The following PIANP variants were observed in gnomAD, a reference collection of about 807,000 sequenced individuals.
The protein encoded by PIANP is PILR alpha associated neural protein.
In PIANP, 14 loss-of-function variants were observed where a neutral mutation model predicts 28.9. The observed-to-expected ratio is 0.49, with a 90% CI of 0.32 to 0.76. The LOEUF (loss-of-function observed/expected upper bound fraction) is 0.76. PIANP is among the 30% of genes least tolerant of loss of function. The pLI is 0.03. For synonymous variants in PIANP, 149 were observed against 156.6 expected, an observed-to-expected ratio of 0.95 and a Z score of 0.36; for missense variants, 322 against 371.8, an observed-to-expected ratio of 0.87 and a Z score of 1.10.
In PIANP at chr12:6,695,416, G is replaced by A; in HGVS notation, c.*10C>T. ...TCCCTCTTTGCCCTCCCATCCCATT[G>A]CCCCTGCCCTCACCGGTTCAACTGG... On this transcript the variant is annotated 3_prime_UTR_variant, in exon 5 of 5. Transcript: ENST00000534837. The surrounding 1 kb of genome is among the most constrained non-coding windows in gnomAD (Gnocchi z 4.2). 1 of 1,471,398 alleles carries A rather than the reference G, an allele frequency of 6.8e-7. No homozygotes were observed. The highest frequency in any genetic ancestry group is 9.0e-7 in the Non-Finnish European group (1 of 1,110,682). The allele number at this position is 1,471,398 out of a possible 1,614,324, so 91.1% of individuals were successfully genotyped here. A position where few individuals can be genotyped will look rare whatever the true frequency, so the allele number is the denominator to read the frequency against.
Position 6,696,581 on chromosome 12 carries a change from G to T in PIANP, c.524-57C>A. On this transcript the variant is annotated intron_variant, in intron 3 of 4. Transcript: ENST00000534837. This position sits in a 1 kb window ranked among gnomAD's most constrained non-coding sequence, Gnocchi z 4.0. Reference sequence around the variant, plus strand: ...CCCCGAGGTGGTAGGAGCCAAGAGGGGCTGGGGGCTGGGCTGTGGGCTCTG... The same window carrying T: ...CCCCGAGGTGGTAGGAGCCAAGAGGTGCTGGGGGCTGGGCTGTGGGCTCTG... The T allele has an allele frequency of 1.6e-6, 2 of 1,286,604 alleles. No homozygotes were observed. The highest frequency in any genetic ancestry group is 2.1e-6 in the Non-Finnish European group (2 of 937,694). 79.7% of individuals were successfully genotyped at this position (1,286,604 alleles called of 1,614,324 possible).
chr12:6,696,351 A>AGG lies in PIANP; in HGVS notation c.605+91_605+92insCC. 1.2e-6 allele frequency: 1 copy of AGG among 844,684 alleles called. No individual in the cohort carries two copies. The highest frequency in any genetic ancestry group is 1.7e-6 in the Non-Finnish European group (1 of 573,714). 52.3% of individuals were successfully genotyped at this position (844,684 alleles called of 1,614,324 possible). On this transcript the variant is annotated intron_variant, in intron 4 of 4. Coordinates refer to ENST00000534837, the MANE Select transcript of PIANP (RefSeq NM_001244014.2). The surrounding 1 kb of genome is among the most constrained non-coding windows in gnomAD (Gnocchi z 4.0). ...ATCCAGCATTTCCCACCCACCCCCC[A>AGG]GCAAAATTGCTGCCACTGCCCCTCG...
At position 6,695,420 on chromosome 12, in the gene PIANP, C is replaced by CT. The variant is rs1489671294; in HGVS notation, c.*5dup. 1.0e-5 allele frequency: 15 copies of CT among 1,487,320 alleles called. No individual in the cohort carries two copies. The highest frequency in any genetic ancestry group is 1.3e-5 in the Non-Finnish European group (14 of 1,119,192). 92.1% of individuals were successfully genotyped at this position (1,487,320 alleles called of 1,614,324 possible). A position where few individuals can be genotyped will look rare whatever the true frequency, so the allele number is the denominator to read the frequency against. On this transcript the variant is annotated 3_prime_UTR_variant, in exon 5 of 5. Transcript: ENST00000534837. The surrounding 1 kb of genome is among the most constrained non-coding windows in gnomAD (Gnocchi z 4.2). ...TCTTTGCCCTCCCATCCCATTGCCC[C>CT]TGCCCTCACCGGTTCAACTGGAAGG...
rs184456612 is a variant in PIANP at position 6,696,793 on chromosome 12, C to G, written c.524-269G>C. 6.6e-6 allele frequency among the ~76,000 whole-genome samples: 1 copy of G among 152,300 alleles called. No homozygotes were observed. Among genetic ancestry groups the G allele is most frequent in the African/African-American group, 2.4e-5 (1 of 41,554 alleles). On this transcript the variant is annotated intron_variant, in intron 3 of 4. Coordinates refer to ENST00000534837, the MANE Select transcript of PIANP (RefSeq NM_001244014.2). The surrounding 1 kb of genome is among the most constrained non-coding windows in gnomAD (Gnocchi z 4.0). The stretch of plus-strand genomic sequence containing the variant: ...ATGAGGCCCCATGATCAGCGAGAAC[C>G]TATCACTATGCCTGGAAACTAAGGG...
rs200341570 is a variant in PIANP at position 6,698,023 on chromosome 12, C to A, written c.17+22G>T. 1.9e-6 allele frequency: 3 copies of A among 1,556,724 alleles called. No homozygotes were observed. The Admixed American group carries it at 5.8e-5, about 30-fold the overall frequency. ...CCCCAGGGAATGTGGTCTCCAGGCTCCCTCTGCTGGGCCAAACTTACCACA... is the reference window on the plus strand; with the variant it reads ...CCCCAGGGAATGTGGTCTCCAGGCTACCTCTGCTGGGCCAAACTTACCACA... On this transcript the variant is annotated intron_variant, in intron 2 of 4. Coordinates refer to ENST00000534837, the MANE Select transcript of PIANP (RefSeq NM_001244014.2).
chr12:6,697,832 C>A lies in PIANP; in HGVS notation c.18-40G>T. On this transcript the variant is annotated intron_variant, in intron 2 of 4. Transcript: ENST00000534837. The surrounding 1 kb of genome is among the most constrained non-coding windows in gnomAD (Gnocchi z 6.9). ...AGAGCGTGGCTGAGACACAGGCCTA[C>A]TGTGGGCCTATGTGAGGGAGGGACA... 1 of 1,505,290 alleles carries A rather than the reference C, an allele frequency of 6.6e-7. No individual in the cohort carries two copies. 93.2% of individuals were successfully genotyped at this position (1,505,290 alleles called of 1,614,324 possible). A position where few individuals can be genotyped will look rare whatever the true frequency, so the allele number is the denominator to read the frequency against.
chr12:6,694,965 C>A lies in PIANP; in HGVS notation c.*461G>T. 1 of 1,493,974 alleles carries A rather than the reference C, an allele frequency of 6.7e-7. No individual in the cohort carries two copies. Among genetic ancestry groups the A allele is most frequent in the South Asian group, 1.3e-5 (1 of 76,342 alleles). 92.5% of individuals were successfully genotyped at this position (1,493,974 alleles called of 1,614,324 possible). On this transcript the variant is annotated 3_prime_UTR_variant, in exon 5 of 5. Coordinates refer to ENST00000534837, the MANE Select transcript of PIANP (RefSeq NM_001244014.2). This position sits in a 1 kb window ranked among gnomAD's most constrained non-coding sequence, Gnocchi z 6.1. ...TGGCCCCAGCTCCCCACAGCTGCCC[C>A]ACCCTCAGTGGGATGGGGGCTGTGC...
chr12:6,699,172 A>T (rs1959972457), intron 1 of PIANP, among the ~76,000 whole-genome samples: 1 of 152,202 alleles, frequency 6.6e-6, no homozygotes, highest in Non-Finnish European at 1.5e-5. Flanking sequence ...TGAACCTGGG[A>T]GGCGGAGGTT....
Position 6,696,598 on chromosome 12 carries a change from T to A in PIANP, c.524-74A>T. 1 of 1,111,158 alleles carries A rather than the reference T, an allele frequency of 9.0e-7. No individual in the cohort carries two copies. The highest frequency in any genetic ancestry group is 1.2e-6 in the Non-Finnish European group (1 of 804,314). The allele number at this position is 1,111,158 out of a possible 1,614,324, so 68.8% of individuals were successfully genotyped here. A position where few individuals can be genotyped will look rare whatever the true frequency, so the allele number is the denominator to read the frequency against. Reference sequence around the variant, plus strand: ...CCAAGAGGGGCTGGGGGCTGGGCTGTGGGCTCTGTCGGCTGGAGTGGCATT... The same window carrying A: ...CCAAGAGGGGCTGGGGGCTGGGCTGAGGGCTCTGTCGGCTGGAGTGGCATT... On this transcript the variant is annotated intron_variant, in intron 3 of 4. Transcript: ENST00000534837. This position sits in a 1 kb window ranked among gnomAD's most constrained non-coding sequence, Gnocchi z 4.0.
chr12:6,693,633 C>G (rs907991871), downstream of PIANP, among the ~76,000 whole-genome samples: 25 of 152,118 alleles, frequency 1.6e-4, no homozygotes, highest in African/African-American at 6.0e-4. Context: ...TCCATTTTGT[C>G]CCAAGTTAAA....
At position 6,694,080 on chromosome 12, in the gene PIANP, A is replaced by T. The variant is rs544090731; in HGVS notation, c.*1346T>A. The T allele has an allele frequency of 6.5e-6, 1 of 153,766 alleles. No individual in the cohort carries two copies. The highest frequency in any genetic ancestry group is 6.5e-5 in the Admixed American group (1 of 15,268). The allele number at this position is 153,766 out of a possible 1,614,324, so 9.5% of individuals were successfully genotyped here. On this transcript the variant is annotated 3_prime_UTR_variant, in exon 5 of 5. Coordinates refer to ENST00000534837, the MANE Select transcript of PIANP (RefSeq NM_001244014.2). The surrounding 1 kb of genome is among the most constrained non-coding windows in gnomAD (Gnocchi z 6.1). The stretch of plus-strand genomic sequence containing the variant: ...GGTAGACTTGGAGGCAGAGCTCCCG[A>T]TGGCCTTGAACCAGCTGACTCCGGT...
rs1960033895 is a variant in PIANP at position 6,700,786 on chromosome 12, T to TGCTCGCCTCGGCTCGGCTCGGCTCG, written c.-241_-217dup. On this transcript the variant is annotated 5_prime_UTR_variant, in exon 1 of 5. Transcript: ENST00000534837. This position sits in a 1 kb window ranked among gnomAD's most constrained non-coding sequence, Gnocchi z 5.5. Reference sequence around the variant, plus strand: ...GGCGCGGGGCGGCGGCGGTGGGAGATGCTCGCCTCGGCTCGGCTCGGCTCG... The same window carrying TGCTCGCCTCGGCTCGGCTCGGCTCG: ...GGCGCGGGGCGGCGGCGGTGGGAGATGCTCGCCTCGGCTCGGCTCGGCTCGGCTCGCCTCGGCTCGGCTCGGCTCG... 2 of 150,822 alleles carry TGCTCGCCTCGGCTCGGCTCGGCTCG rather than the reference T, an allele frequency of 1.3e-5. No homozygotes were observed. Among genetic ancestry groups the TGCTCGCCTCGGCTCGGCTCGGCTCG allele is most frequent in the Non-Finnish European group, 3.0e-5 (2 of 67,642 alleles). 9.3% of individuals were successfully genotyped at this position (150,822 alleles called of 1,614,324 possible).
At position 6,696,612 on chromosome 12, in the gene PIANP, T is replaced by C; in HGVS notation, c.524-88A>G. The C allele has an allele frequency of 1.1e-6, 1 of 897,548 alleles. No individual in the cohort carries two copies. Among genetic ancestry groups the C allele is most frequent in the Non-Finnish European group, 1.6e-6 (1 of 619,438 alleles). The allele number at this position is 897,548 out of a possible 1,614,324, so 55.6% of individuals were successfully genotyped here. A position where few individuals can be genotyped will look rare whatever the true frequency, so the allele number is the denominator to read the frequency against. ...GGGCTGGGCTGTGGGCTCTGTCGGC[T>C]GGAGTGGCATTGCTGTGTGGATCCA... is the stretch of plus-strand genomic sequence containing the variant. On this transcript the variant is annotated intron_variant, in intron 3 of 4. Transcript: ENST00000534837. The surrounding 1 kb of genome is among the most constrained non-coding windows in gnomAD (Gnocchi z 4.0).
Position 6,697,235 on chromosome 12 carries a change from T to C in PIANP, c.523+52A>G, listed in dbSNP as rs1393876712. On this transcript the variant is annotated intron_variant, in intron 3 of 4. Coordinates refer to ENST00000534837, the MANE Select transcript of PIANP (RefSeq NM_001244014.2). This position sits in a 1 kb window ranked among gnomAD's most constrained non-coding sequence, Gnocchi z 6.9. ...AGGCCTCTATTTCTGCCCCTTGGTGTCTTCACCCAGCCTCCCCATCCGTCA... is the reference window on the plus strand; with the variant it reads ...AGGCCTCTATTTCTGCCCCTTGGTGCCTTCACCCAGCCTCCCCATCCGTCA... The C allele has an allele frequency of 6.3e-7, 1 of 1,598,112 alleles. No individual in the cohort carries two copies. The highest frequency in any genetic ancestry group is 8.5e-7 in the Non-Finnish European group (1 of 1,174,990).
At position 6,695,006 on chromosome 12, in the gene PIANP, C is replaced by T. The variant is rs1184833704; in HGVS notation, c.*420G>A. ...GGGGCTGTGCCGGCCCCTTGGCCTC[C>T]TGCTTGGCTGCACCCCAACATTGGG... On this transcript the variant is annotated 3_prime_UTR_variant, in exon 5 of 5. Transcript: ENST00000534837. This position sits in a 1 kb window ranked among gnomAD's most constrained non-coding sequence, Gnocchi z 4.2. 6 of 1,550,200 alleles carry T rather than the reference C, an allele frequency of 3.9e-6. No individual in the cohort carries two copies. The highest frequency in any genetic ancestry group is 3.5e-6 in the Non-Finnish European group (4 of 1,146,384).
At chr12:6,699,679 G>A (rs1163403887) in intron 1 of PIANP, among the ~76,000 whole-genome samples, 1 of 151,828 alleles carries the variant, frequency 6.6e-6, no homozygotes, top group Admixed American at 6.6e-5. Context: ...TGGGAGAAAA[G>A]GGGGGAAAGC....
In PIANP at chr12:6,694,831, TC is replaced by T; in HGVS notation, c.*594del. Reference sequence around the variant, plus strand: ...CAAGGGTGGGGACAGGGACCCGAAGTCACAGATATGTGAGGCCCCCACCTGC... The same window carrying T: ...CAAGGGTGGGGACAGGGACCCGAAGTACAGATATGTGAGGCCCCCACCTGC... On this transcript the variant is annotated 3_prime_UTR_variant, in exon 5 of 5. Transcript: ENST00000534837. This position sits in a 1 kb window ranked among gnomAD's most constrained non-coding sequence, Gnocchi z 6.1. 1 of 575,722 alleles carries T rather than the reference TC, an allele frequency of 1.7e-6. No homozygotes were observed. The highest frequency in any genetic ancestry group is 3.1e-5 in the South Asian group (1 of 32,408). The allele number at this position is 575,722 out of a possible 1,614,324, so 35.7% of individuals were successfully genotyped here.
Position 6,697,151 on chromosome 12 carries a change from A to G in PIANP, c.523+136T>C, listed in dbSNP as rs1959889528. ...ACCTGAACTCCGAGAGGGTGTCTTT[A>G]TCTCTGCATCCTGTGCCAGTATAGT... On this transcript the variant is annotated intron_variant, in intron 3 of 4. Transcript: ENST00000534837. This position sits in a 1 kb window ranked among gnomAD's most constrained non-coding sequence, Gnocchi z 6.9. The G allele has an allele frequency of 3.1e-6, 4 of 1,294,402 alleles. 1 individual carries two copies. The Admixed American group carries it at 1.1e-4, about 37-fold the overall frequency. The allele number at this position is 1,294,402 out of a possible 1,614,324, so 80.2% of individuals were successfully genotyped here.
chr12:6,697,632 C>A lies in PIANP; in HGVS notation c.178G>T (p.Val60Leu). ...CTTGGTGGAGGTGCTCGCTCCCACA[C>A]GCACACATGACGTGGGGCCGAGGGG... ...GGPSAPRHVC[V>L]WERAPPPSRS... The change falls in exon 3 of 5, where the codon GTG becomes TTG. Residue 60 changes from valine to leucine, a missense_variant. Val to Leu is a conservative substitution (Grantham distance 32, BLOSUM62 1). Transcript: ENST00000534837. The surrounding 1 kb of genome is among the most constrained non-coding windows in gnomAD (Gnocchi z 6.9). 1 of 1,560,888 alleles carries A rather than the reference C, an allele frequency of 6.4e-7. No homozygotes were observed. The highest frequency in any genetic ancestry group is 8.7e-7 in the Non-Finnish European group (1 of 1,152,562).
Sources: allele counts gnomAD v4.1 joint callset (sites outside exome capture counted in the v4.1 genomes callset), GRCh38; gene constraint gnomAD v4.1.1; non-coding constraint Gnocchi (gnomAD v3.1); transcripts MANE v1.5; gene names NCBI Gene and HGNC (gene_info 2026-07-23, HGNC 2026-07-21).